The following AKAP13 variants were observed in gnomAD, a reference collection of about 807,000 sequenced individuals.
The protein encoded by AKAP13 is A-kinase anchor protein 13.
In AKAP13, 80 loss-of-function variants were observed where a neutral mutation model predicts 264.5. The ratio of observed to expected loss-of-function variants is 0.30; its 90% CI spans 0.25 to 0.36. The LOEUF is 0.36. Ranked by LOEUF, AKAP13 falls within the 10% of genes least tolerant of loss-of-function variation. AKAP13 has a pLI of 1.00. For missense variants in AKAP13, 3,712 were observed against 3,435.2 expected (o/e 1.08, Z -2.01); for synonymous variants, 1,380 against 1,250.2 (o/e 1.10, Z -2.19).
intron 5 of AKAP13, chr15:85,555,415 A>C: frequency 2.3e-6 from 3 of 1,288,520 alleles, no homozygotes; most frequent in African/African-American, 1.5e-5. Flanking sequence ...GCTTTCCTCT[A>C]TTTTTAAAGC....
intron 1 of AKAP13, among the ~76,000 whole-genome samples, chr15:85,467,806 G>A (rs532663650): frequency 2.0e-5 from 3 of 152,070 alleles, no homozygotes; most frequent in Admixed American, 1.3e-4. Flanking sequence ...TTGATATTTC[G>A]GCCTGCAATC....
At chr15:85,461,763 A>G (rs966979149) in intron 1 of AKAP13, among the ~76,000 whole-genome samples, 2 of 152,148 alleles carry the variant, frequency 1.3e-5, no homozygotes, top group Admixed American at 1.3e-4. Context: ...ATGACAGTTT[A>G]AAGTAGAGTG....
intron 3 of AKAP13, among the ~76,000 whole-genome samples, chr15:85,532,644 C>G: frequency 6.6e-6 from 1 of 152,310 alleles, no homozygotes; most frequent in East Asian, 1.9e-4. Flanking sequence ...AAATAGTGTT[C>G]ATTGTGATGA....
At chr15:85,712,782 CAT>C (rs2086701974) in intron 19 of AKAP13, among the ~76,000 whole-genome samples, 1 of 152,114 alleles carries the variant, frequency 6.6e-6, no homozygotes, top group Non-Finnish European at 1.5e-5. Flanking sequence ...GACCTCAAGG[CAT>C]CTGTCTGTCT....
intron 15 of AKAP13, among the ~76,000 whole-genome samples, chr15:85,683,821 A>G (rs1021086796): frequency 7.2e-5 from 11 of 152,224 alleles, no homozygotes; most frequent in Non-Finnish European, 1.3e-4. Flanking sequence ...AAGTTAGAAC[A>G]TGCCCATCTT....
chr15:85,621,473 C>T (rs2081181997), intron 8 of AKAP13: 1 of 152,160 alleles, frequency 6.6e-6, no homozygotes, highest in South Asian at 2.1e-4. Context: ...TTAGGAGAAT[C>T]TCATTTTTAG....
chr15:85,718,288 C>A lies in AKAP13; in HGVS notation c.6001+129C>A. The A allele has an allele frequency of 8.8e-7, 1 of 1,137,804 alleles. No homozygotes were observed. The highest frequency in any genetic ancestry group is 1.2e-6 in the Non-Finnish European group (1 of 809,006). 70.5% of individuals were successfully genotyped at this position (1,137,804 alleles called of 1,614,324 possible). On this transcript the variant is annotated intron_variant, in intron 22 of 36. Transcript: ENST00000394518. This position sits in a 1 kb window ranked among gnomAD's most constrained non-coding sequence, Gnocchi z 4.9. ...TTCTTGAAAAGATTTCCTTTAAAAACTTTAAGGTACAGAGACGTGGTCCTG... is the reference window on the plus strand; with the variant it reads ...TTCTTGAAAAGATTTCCTTTAAAAAATTTAAGGTACAGAGACGTGGTCCTG...
intron 35 of AKAP13, among the ~76,000 whole-genome samples, chr15:85,742,456 A>G (rs1597248082): frequency 6.6e-6 from 1 of 152,108 alleles, no homozygotes; most frequent in African/African-American, 2.4e-5. Context: ...GATCGGTGGG[A>G]GGCAGTTACA....
chr15:85,701,593 C>T (rs955674824), intron 17 of AKAP13, among the ~76,000 whole-genome samples: 1 of 151,996 alleles, frequency 6.6e-6, no homozygotes, highest in Non-Finnish European at 1.5e-5. Flanking sequence ...GAACACGCCA[C>T]CACACCTGGC....
intron 18 of AKAP13, 96 bp from the exon 19 acceptor site, chr15:85,710,483 T>C (rs2151696935): frequency 1.6e-6 from 2 of 1,214,720 alleles, no homozygotes; most frequent in Non-Finnish European, 2.3e-6. Context: ...AAAAGCAGAG[T>C]GGGAAAGGAA....
At chr15:85,387,308 C>G (rs2070619880) in intron 1 of AKAP13, among the ~76,000 whole-genome samples, 1 of 151,998 alleles carries the variant, frequency 6.6e-6, no homozygotes, top group Non-Finnish European at 1.5e-5. Flanking sequence ...TTTACTCCAG[C>G]CTGGGTGATA....
In AKAP13 at chr15:85,446,536, T is replaced by G. The variant is rs544917157; in HGVS notation, c.-11-39174T>G. ...AGGTTATGGAGCTTAGAAAAGACTT[T>G]AGGGCTAGAGACTCAAAGTTGAGAG... On this transcript the variant is annotated intron_variant, in intron 1 of 36. Transcript: ENST00000394518. Among the ~76,000 whole-genome samples the G allele has an allele frequency of 4.6e-5, 7 of 152,264 alleles. No individual in the cohort carries two copies. The South Asian group carries it at 1.5e-3, about 32-fold the overall frequency.
At chr15:85,560,945 G>A (rs922711539) in intron 5 of AKAP13, among the ~76,000 whole-genome samples, 8 of 151,458 alleles carry the variant, frequency 5.3e-5, no homozygotes, top group Non-Finnish European at 7.4e-5. Flanking sequence ...TTACAACCTT[G>A]GCTGCACATT....
chr15:85,461,614 TTG>T (rs1175235174), intron 1 of AKAP13, among the ~76,000 whole-genome samples: 1 of 141,614 alleles, frequency 7.1e-6, no homozygotes. Flanking sequence ...GTGTTTTTTT[TTG>T]TTGTTGTTGT....
chr15:85,650,205 G>A (rs1265379575), intron 10 of AKAP13, among the ~76,000 whole-genome samples: 1 of 152,212 alleles, frequency 6.6e-6, no homozygotes, highest in Non-Finnish European at 1.5e-5. Context: ...TGAAGTGGGA[G>A]GACTGCTTGA....
rs1404038692 is a variant in AKAP13 at position 85,581,884 on chromosome 15, G to C, written c.3816G>C (p.Glu1272Asp). The C allele has an allele frequency of 2.5e-6, 4 of 1,614,038 alleles. No individual in the cohort carries two copies. Among genetic ancestry groups the C allele is most frequent in the African/African-American group, 1.3e-5 (1 of 74,946 alleles). Residue 1272 changes from glutamate (E) to aspartate (D), a missense_variant, in exon 7 of 37, where the codon GAG becomes GAC. This residue lies in a region of AKAP13 where 2,759 missense variants were observed against 2,411.7 expected (regional missense o/e 1.14). Transcript: ENST00000394518. ...QVKAAGALLT[E>D]GEACHMSLSS... is the part of the protein sequence containing the mutation. ...AGGCCGCTGGAGCACTGCTTACTGAGGGGGAGGCCTGTCACATGTCACTGT... is the reference window on the plus strand; with the variant it reads ...AGGCCGCTGGAGCACTGCTTACTGACGGGGAGGCCTGTCACATGTCACTGT...
chr15:85,550,990 C>T (rs12898649), intron 5 of AKAP13, among the ~76,000 whole-genome samples: 49,093 of 152,042 alleles, frequency 0.32, 8,014 homozygotes, highest in South Asian at 0.43. Flanking sequence ...CAGCAAACCT[C>T]GGGGAGGCTA....
intron 8 of AKAP13, among the ~76,000 whole-genome samples, chr15:85,633,688 C>T (rs1260918035): frequency 5.9e-5 from 9 of 151,382 alleles, no homozygotes; most frequent in Non-Finnish European, 1.2e-4. Flanking sequence ...GGACTACAGG[C>T]GCCCGCCACC....
chr15:85,604,895 A>G (rs753639385), intron 8 of AKAP13, among the ~76,000 whole-genome samples: 52 of 152,282 alleles, frequency 3.4e-4, no homozygotes, highest in Non-Finnish European at 6.2e-4. Context: ...ACAATAAACC[A>G]TATGCTAAGC....
Sources: allele counts gnomAD v4.1 joint callset (sites outside exome capture counted in the v4.1 genomes callset), GRCh38; gene constraint gnomAD v4.1.1; regional missense constraint gnomAD v4.1.1; non-coding constraint Gnocchi (gnomAD v3.1); transcripts MANE v1.5; gene names NCBI Gene and HGNC (gene_info 2026-07-23, HGNC 2026-07-21).